The following UBR1 variants were observed in gnomAD, a reference collection of about 807,000 sequenced individuals.
UBR1 encodes the protein E3 ubiquitin-protein ligase UBR1.
UBR1 carries 102 observed loss-of-function variants against 242.1 expected under a neutral mutation model. The ratio of observed to expected loss-of-function variants is 0.42; its 90% CI spans 0.36 to 0.50. The LOEUF is 0.50. Ranked by LOEUF, UBR1 falls within the 20% of genes least tolerant of loss-of-function variation. UBR1 has a pLI of 0.01. For missense variants in UBR1, 1,772 were observed against 2,101.8 expected (o/e 0.84, Z 3.07); for synonymous variants, 675 against 684.8 (o/e 0.99, Z 0.22).
intron 1 of UBR1, among the ~76,000 whole-genome samples, chr15:43,103,266 T>A (rs1295031119): frequency 1.3e-5 from 2 of 152,144 alleles, no homozygotes; most frequent in Non-Finnish European, 2.9e-5. Flanking sequence ...CTCAGGAGGT[T>A]GAGGTGGGAA....
At chr15:43,033,170 A>C (rs1031590430) in intron 19 of UBR1, among the ~76,000 whole-genome samples, 2 of 151,632 alleles carry the variant, frequency 1.3e-5, no homozygotes, top group African/African-American at 4.8e-5. Context: ...GGCATGCGCC[A>C]CTGCTCCTGG....
At chr15:43,007,336 T>C (rs2032848571) in intron 29 of UBR1, 52 bp from the exon 30 acceptor site, 1 of 1,559,692 alleles carries the variant, frequency 6.4e-7, no homozygotes. Context: ...TCACTTGTCT[T>C]CATATTTTGG....
intron 33 of UBR1, among the ~76,000 whole-genome samples, chr15:42,993,151 T>C (rs2032581898): frequency 6.6e-6 from 1 of 152,164 alleles, no homozygotes; most frequent in Admixed American, 6.5e-5. Flanking sequence ...TTCATGCTTG[T>C]TGTACAGTTC....
At chr15:43,038,481 C>A (rs2033367425) in intron 15 of UBR1, among the ~76,000 whole-genome samples, 1 of 152,074 alleles carries the variant, frequency 6.6e-6, no homozygotes, top group South Asian at 2.1e-4. Flanking sequence ...GTAATCCTAG[C>A]TACTTGGGAG....
intron 33 of UBR1, among the ~76,000 whole-genome samples, chr15:42,993,812 T>TG (rs1324669505): frequency 6.7e-6 from 1 of 148,942 alleles, no homozygotes; most frequent in African/African-American, 2.5e-5. Context: ...CACTCCAGCC[T>TG]GGGGGGCAGA....
At chr15:43,058,031 T>C (rs944865243) in intron 10 of UBR1, among the ~76,000 whole-genome samples, 12 of 151,914 alleles carry the variant, frequency 7.9e-5, no homozygotes, top group African/African-American at 2.7e-4. Context: ...TGCCTCAGCC[T>C]CCTGAGTAGC....
intron 4 of UBR1, among the ~76,000 whole-genome samples, chr15:43,071,397 A>G (rs1222410570): frequency 1.3e-5 from 2 of 152,240 alleles, no homozygotes; most frequent in Admixed American, 1.3e-4. Context: ...CATACGAAGT[A>G]TCTAAAGTAG....
chr15:43,001,199 TGCAATGGCTCAATCTTG>T (rs1250218987), intron 32 of UBR1, among the ~76,000 whole-genome samples: 5 of 151,508 alleles, frequency 3.3e-5, no homozygotes, highest in Admixed American at 6.6e-5. Flanking sequence ...CAGGCTGTAA[TGCAATGGCTCAATCTTG>T]GCTCACTACA....
chr15:43,075,105 T>C lies in UBR1; in HGVS notation c.418-16A>G. 6.3e-7 allele frequency: 1 copy of C among 1,581,672 alleles called. No homozygotes were observed. Among genetic ancestry groups the C allele is most frequent in the Non-Finnish European group, 8.7e-7 (1 of 1,150,490 alleles). ...AAGTATGCATCTGATAAAGGAAAAA[T>C]GAGTTTGTCTTGATTTCAAACATTT... is the stretch of plus-strand genomic sequence containing the variant. On this transcript the variant is annotated splice_polypyrimidine_tract_variant and intron_variant, in intron 3 of 46. Transcript: ENST00000290650.
At chr15:42,988,009 A>C (rs1425464337) in intron 35 of UBR1, among the ~76,000 whole-genome samples, 3 of 152,042 alleles carry the variant, frequency 2.0e-5, no homozygotes, top group African/African-American at 7.2e-5. Flanking sequence ...TCTGTGCAAA[A>C]TTTTCAATAT....
chr15:43,082,906 A>T (rs1049132423), intron 2 of UBR1, among the ~76,000 whole-genome samples, 190 bp from the exon 3 acceptor site: 2 of 152,256 alleles, frequency 1.3e-5, no homozygotes, highest in Admixed American at 1.3e-4. Flanking sequence ...GTCTCATTTT[A>T]GCCACATTTA....
In UBR1 at chr15:43,037,798, C is replaced by G; in HGVS notation, c.1997G>C (p.Arg666Thr). The G allele has an allele frequency of 6.2e-7, 1 of 1,614,102 alleles. No individual in the cohort carries two copies. The highest frequency in any genetic ancestry group is 8.5e-7 in the Non-Finnish European group (1 of 1,179,996). Residue 666 changes from arginine to threonine, a missense_variant, in exon 17 of 47, where the codon AGA (arginine) becomes ACA (threonine). Transcript: ENST00000290650. ...VAQVVAEMWR[R>T]NGLSLISQVF... ...CTGGCTAATAAGAGACAGTCCATTT[C>G]TTCGCCACATCTCAGCAACAACCTG...
chr15:43,055,839 C>T (rs111390485), intron 11 of UBR1, among the ~76,000 whole-genome samples: 13 of 152,272 alleles, frequency 8.5e-5, no homozygotes, highest in African/African-American at 1.4e-4. Flanking sequence ...CGCTTGAACC[C>T]GGGAGGCGGA....
At chr15:42,960,028 T>A (rs1034851564) in intron 43 of UBR1, among the ~76,000 whole-genome samples, 114 of 152,298 alleles carry the variant, frequency 7.5e-4, no homozygotes, top group African/African-American at 2.5e-3. Context: ...TCGGAGGGGA[T>A]ACAAAGACAA....
chr15:43,094,683 G>A (rs1477611248), intron 1 of UBR1, among the ~76,000 whole-genome samples: 1 of 152,110 alleles, frequency 6.6e-6, no homozygotes, highest in Admixed American at 6.6e-5. Flanking sequence ...AATGAACCTA[G>A]ATATAAGGCT....
chr15:43,041,535 T>C (rs186944494), intron 15 of UBR1, among the ~76,000 whole-genome samples: 15 of 152,220 alleles, frequency 9.9e-5, no homozygotes, highest in Non-Finnish European at 2.1e-4. Flanking sequence ...GGCACATGTA[T>C]ACATTTGTAA....
chr15:43,026,957 T>C (rs202144439), intron 22 of UBR1, among the ~76,000 whole-genome samples: 1 of 152,140 alleles, frequency 6.6e-6, no homozygotes, highest in Non-Finnish European at 1.5e-5. Flanking sequence ...TTCTTAGAGA[T>C]TTAAGAGTCT....
Position 43,082,711 on chromosome 15 carries a change from C to A in UBR1, c.344G>T (p.Cys115Phe). Reference protein sequence around the residue: ...SGETTYSCRDCAIDPTCVLCM... With the variant: ...SGETTYSCRDFAIDPTCVLCM... ...GAGTACACATGTTGGATCAATTGCA[C>A]AATCCCTGAAAAAGATCAGAAATCA... Residue 115 changes from cysteine (C) to phenylalanine (F), a missense_variant, in exon 3 of 47, where the codon TGT becomes TTT. By Grantham distance (205) the Cys-to-Phe change is radical (BLOSUM62 -2). This residue lies in a region of UBR1 where 734 missense variants were observed against 893.3 expected (regional missense o/e 0.82). Transcript: ENST00000290650. 1 of 1,613,622 alleles carries A rather than the reference C, an allele frequency of 6.2e-7. No homozygotes were observed. Among genetic ancestry groups the A allele is most frequent in the Non-Finnish European group, 8.5e-7 (1 of 1,179,696 alleles).
At chr15:43,043,156 A>T (rs1468990188) in intron 15 of UBR1, 59 bp downstream of exon 15, 4 of 1,583,136 alleles carry the variant, frequency 2.5e-6, no homozygotes, top group Non-Finnish European at 3.5e-6. Context: ...GATTCTACTA[A>T]ATGAATACCT....
Sources: gnomAD v4.1 joint callset for allele counts (sites outside exome capture counted in the v4.1 genomes callset) on GRCh38, gnomAD v4.1.1 for gene constraint, gnomAD v4.1.1 regional missense constraint, MANE v1.5 for transcripts, NCBI Gene and HGNC (gene_info 2026-07-23, HGNC 2026-07-21) for gene names.